ST3GAL3: variants seen among roughly 807,000 people sequenced by gnomAD.
ST3GAL3 encodes CMP-N-acetylneuraminate-beta-1,4-galactoside alpha-2,3-sialyltransferase.
Under a neutral mutation model 50.1 loss-of-function variants are expected in ST3GAL3, and 21 were observed. The observed-to-expected ratio is 0.42, with a 90% CI of 0.30 to 0.60. The LOEUF is 0.60. ST3GAL3 is among the 20% of genes least tolerant of loss of function. ST3GAL3 has a pLI of 0.19. For synonymous variants in ST3GAL3, 183 were observed against 190.0 expected (o/e 0.96, Z 0.30); for missense variants, 353 against 489.4 (o/e 0.72, Z 2.63).
intron 9 of ST3GAL3, among the ~76,000 whole-genome samples, chr1:43,917,682 TA>T (rs1213120125): frequency 8.8e-6 from 1 of 113,364 alleles, no homozygotes; most frequent in African/African-American, 3.5e-5. Flanking sequence ...TATATATATA[TA>T]TTTTAAACAG....
At chr1:43,851,743 C>A in intron 5 of ST3GAL3, 2 of 965,460 alleles carry the variant, frequency 2.1e-6, no homozygotes, top group Non-Finnish European at 1.6e-6. Flanking sequence ...TTGCATGGGT[C>A]CGAAGCTGCC....
At chr1:43,735,425 T>A (rs1465093993) in intron 1 of ST3GAL3, among the ~76,000 whole-genome samples, 1 of 152,124 alleles carries the variant, frequency 6.6e-6, no homozygotes, top group African/African-American at 2.4e-5. Context: ...TTGGAGAGAT[T>A]CAAAGAGTGA....
chr1:43,825,259 CTTTT>C (rs1454112144), intron 4 of ST3GAL3, among the ~76,000 whole-genome samples: 1 of 152,152 alleles, frequency 6.6e-6, no homozygotes, highest in African/African-American at 2.4e-5. Flanking sequence ...CGGCTACTTT[CTTTT>C]GATTCTAAAT....
At chr1:43,782,548 G>T (rs1699704958) in intron 2 of ST3GAL3, among the ~76,000 whole-genome samples, 1 of 106,998 alleles carries the variant, frequency 9.3e-6, no homozygotes, top group African/African-American at 3.5e-5. Flanking sequence ...CTGCTTTTCT[G>T]CCTTATTTTC....
chr1:43,711,809 T>A (rs1664903049), intron 1 of ST3GAL3, among the ~76,000 whole-genome samples: 1 of 152,200 alleles, frequency 6.6e-6, no homozygotes, highest in Non-Finnish European at 1.5e-5. Flanking sequence ...GGTTCTGAGA[T>A]AGCAAAAAAT....
intron 11 of ST3GAL3, among the ~76,000 whole-genome samples, chr1:43,929,004 G>A (rs1300149992): frequency 6.6e-6 from 1 of 152,124 alleles, no homozygotes; most frequent in African/African-American, 2.4e-5. Context: ...ACTCTGATAA[G>A]GCTGCTGTCA....
chr1:43,896,409 T>G (rs745365632), intron 6 of ST3GAL3, among the ~76,000 whole-genome samples: 11 of 152,372 alleles, frequency 7.2e-5, no homozygotes, highest in Non-Finnish European at 5.9e-5. Flanking sequence ...AGCATTGATG[T>G]ACCTTCTACC....
At position 43,772,135 on chromosome 1, in the gene ST3GAL3, C is replaced by T. The variant is rs1313817290; in HGVS notation, c.119-19967C>T. The T allele has an allele frequency of 2.0e-5, 8 of 397,806 alleles. 1 individual carries two copies. Among genetic ancestry groups the T allele is most frequent in the Admixed American group, 1.8e-4 (4 of 22,698 alleles). 24.6% of individuals were successfully genotyped at this position (397,806 alleles called of 1,614,324 possible). Reference sequence around the variant, plus strand: ...CATAATCTCTGCTCACCGCAACCTCCGCCTCCCGGGTTCAAGCGATTCTCC... The same window carrying T: ...CATAATCTCTGCTCACCGCAACCTCTGCCTCCCGGGTTCAAGCGATTCTCC... On this transcript the variant is annotated intron_variant, in intron 2 of 11. Coordinates refer to ENST00000347631, the MANE Select transcript of ST3GAL3 (RefSeq NM_006279.5).
chr1:43,764,102 A>G (rs1253367297), intron 2 of ST3GAL3, among the ~76,000 whole-genome samples: 1 of 152,208 alleles, frequency 6.6e-6, no homozygotes, highest in Non-Finnish European at 1.5e-5. Flanking sequence ...AGTACAAGGT[A>G]TCAGCACAGA....
intron 2 of ST3GAL3, among the ~76,000 whole-genome samples, chr1:43,780,098 T>C (rs1698876434): frequency 6.6e-6 from 1 of 152,192 alleles, no homozygotes; most frequent in African/African-American, 2.4e-5. Flanking sequence ...ACACATCTTG[T>C]ACTGATTTCC....
At chr1:43,827,294 A>G (rs1187816654) in intron 4 of ST3GAL3, among the ~76,000 whole-genome samples, 1 of 152,216 alleles carries the variant, frequency 6.6e-6, no homozygotes, top group Non-Finnish European at 1.5e-5. Flanking sequence ...GCAAGAAGCA[A>G]TTGGAATTTA....
At chr1:43,909,978 A>G (rs2080511075) in intron 9 of ST3GAL3, among the ~76,000 whole-genome samples, 1 of 152,240 alleles carries the variant, frequency 6.6e-6, no homozygotes, top group South Asian at 2.1e-4. Context: ...ATTATCCTAC[A>G]TGATGCTGCC....
intron 5 of ST3GAL3, among the ~76,000 whole-genome samples, chr1:43,892,332 A>T (rs1025068758): frequency 6.6e-6 from 1 of 152,040 alleles, no homozygotes; most frequent in African/African-American, 2.4e-5. Flanking sequence ...ATCTGACCTC[A>T]CTGCAGCCTC....
At position 43,851,027 on chromosome 1, in the gene ST3GAL3, C is replaced by G. The variant is rs2067198684; in HGVS notation, c.302+12716C>G. ...TCAAATGGGGAGGGCACCACGCCAG[C>G]TGCCACCAGCCTGCTGATATGTGCC... On this transcript the variant is annotated intron_variant, in intron 5 of 11. Coordinates refer to ENST00000347631, the MANE Select transcript of ST3GAL3 (RefSeq NM_006279.5). The G allele has an allele frequency of 3.6e-6, 3 of 842,950 alleles. No individual in the cohort carries two copies. The African/African-American group carries it at 5.0e-5, about 14-fold the overall frequency. The allele number at this position is 842,950 out of a possible 1,614,324, so 52.2% of individuals were successfully genotyped here.
chr1:43,826,128 T>C (rs1413518741), intron 4 of ST3GAL3, among the ~76,000 whole-genome samples: 2 of 150,820 alleles, frequency 1.3e-5, no homozygotes, highest in African/African-American at 2.4e-5. Flanking sequence ...ATTAGCCGGT[T>C]GTGCTGGTAA....
chr1:43,872,991 CT>C (rs1021791410), intron 5 of ST3GAL3, among the ~76,000 whole-genome samples: 15 of 152,280 alleles, frequency 9.9e-5, no homozygotes, highest in Admixed American at 9.1e-4. Context: ...GGAAAGATGC[CT>C]GTGTTAAAGA....
Position 43,897,882 on chromosome 1 carries a change from A to C in ST3GAL3, c.398-353A>C, listed in dbSNP as rs74548335. Among the ~76,000 whole-genome samples, 920 of 152,212 alleles carry C rather than the reference A, an allele frequency of 6.0e-3. 4 individuals carry two copies. Among genetic ancestry groups the C allele is most frequent in the Non-Finnish European group, 0.01 (698 of 68,004 alleles). Reference sequence around the variant, plus strand: ...GAGCAGGTACTCCCATTCCAGGGAGACTGCGTGCGCCAGCTTCCAGGGAAG... The same window carrying C: ...GAGCAGGTACTCCCATTCCAGGGAGCCTGCGTGCGCCAGCTTCCAGGGAAG... On this transcript the variant is annotated intron_variant, in intron 6 of 11. Transcript: ENST00000347631.
At chr1:43,839,042 A>G (rs9662379) in intron 5 of ST3GAL3, 6,481 of 155,490 alleles carry the variant, frequency 0.042, 462 homozygotes, top group African/African-American at 0.15. Context: ...TTGGACCACC[A>G]GAGGAGTGCT....
intron 5 of ST3GAL3, among the ~76,000 whole-genome samples, chr1:43,890,983 G>A (rs144330300): frequency 6.6e-6 from 1 of 152,292 alleles, no homozygotes; most frequent in Non-Finnish European, 1.5e-5. Flanking sequence ...GGAAATATGT[G>A]TATGTCCTAG....
Sources: allele counts gnomAD v4.1 joint callset (sites outside exome capture counted in the v4.1 genomes callset), GRCh38; gene constraint gnomAD v4.1.1; transcripts MANE v1.5; gene names NCBI Gene and HGNC (gene_info 2026-07-23, HGNC 2026-07-21).